KRT78: variants seen among roughly 807,000 people sequenced by gnomAD.
The protein encoded by KRT78 is keratin 78, also known as keratin, type II cytoskeletal 78.
In KRT78, 55 loss-of-function variants were observed where a neutral mutation model predicts 51.4. That is an observed-to-expected ratio of 1.07 (90% CI 0.86 to 1.34). KRT78 has a LOEUF of 1.34. Ranked by LOEUF, KRT78 falls within the 40% of genes most tolerant of loss-of-function variation. The pLI, the probability that KRT78 is intolerant of heterozygous loss-of-function variation, is 0.00. For synonymous variants in KRT78, 291 were observed against 264.3 expected, an observed-to-expected ratio of 1.10 and a Z score of -0.98; for missense variants, 652 against 649.4, an observed-to-expected ratio of 1.00 and a Z score of -0.04.
At chr12:52,840,046 AC>A in intron 6 of KRT78, 62 bp from the exon 7 acceptor site, 1 of 1,203,476 alleles carries the variant, frequency 8.3e-7, no homozygotes, top group Non-Finnish European at 1.2e-6. Flanking sequence ...CTCTCAAAGC[AC>A]CCACTGTGGA....
At position 52,848,124 on chromosome 12, in the gene KRT78, G is replaced by A; in HGVS notation, c.385-3C>T. On this transcript the variant is annotated splice_region_variant and splice_polypyrimidine_tract_variant and intron_variant, in intron 1 of 8. Transcript: ENST00000304620. ...TTCTGCTGCTCCAGGAACCGCACCT[G>A]CAGCAAAAGCAGAGGATCCCTGAGG... The A allele has an allele frequency of 1.9e-6, 3 of 1,613,662 alleles. No individual in the cohort carries two copies. Among genetic ancestry groups the A allele is most frequent in the African/African-American group, 1.3e-5 (1 of 75,012 alleles).
In KRT78 at chr12:52,848,104, C is replaced by A. The variant is rs1378220909; in HGVS notation, c.402G>T (p.Gln134His). Residue 134 changes from glutamine (Q) to histidine (H), a missense_variant, in exon 2 of 9, where the codon CAG becomes CAT. By Grantham distance (24) the Gln-to-His change is conservative. Coordinates refer to ENST00000304620, the MANE Select transcript of KRT78 (RefSeq NM_173352.4). ...ACTTCGTCTCCAGGACCTTGTTCTG[C>A]TGCTCCAGGAACCGCACCTGCAGCA... ...SFIDKVRFLE[Q>H]QNKVLETKWH... is the part of the protein sequence containing the mutation. The A allele has an allele frequency of 1.9e-6, 3 of 1,614,012 alleles. No homozygotes were observed. The African/African-American group carries it at 4.0e-5, about 22-fold the overall frequency.
chr12:52,840,639 G>A (rs1191246507), intron 6 of KRT78, among the ~76,000 whole-genome samples: 1 of 152,110 alleles, frequency 6.6e-6, no homozygotes. Context: ...CCCGGGAGGT[G>A]GAGGTTGCAG....
At chr12:52,844,512 G>C in intron 5 of KRT78, 47 bp downstream of exon 5, 1 of 1,581,582 alleles carries the variant, frequency 6.3e-7, no homozygotes, top group African/African-American at 1.3e-5. Context: ...TTTGGGCATG[G>C]AGACCTAGCC....
Position 52,847,769 on chromosome 12 carries a change from G to C in KRT78, c.599+138C>G. The stretch of plus-strand genomic sequence containing the variant: ...TGGGCACCTGAGAGCCTGGGGAATG[G>C]GGACGCGGAGGGGTAGAGGGGAGGC... On this transcript the variant is annotated intron_variant, in intron 2 of 8. Coordinates refer to ENST00000304620, the MANE Select transcript of KRT78 (RefSeq NM_173352.4). 7.4e-6 allele frequency: 5 copies of C among 677,266 alleles called. No individual in the cohort carries two copies. The South Asian group carries it at 9.2e-5, about 12-fold the overall frequency. The allele number at this position is 677,266 out of a possible 1,614,324, so 42.0% of individuals were successfully genotyped here.
chr12:52,844,832 A>G, intron 4 of KRT78, 109 bp from the exon 5 acceptor site: 1 of 1,080,626 alleles, frequency 9.3e-7, no homozygotes, highest in Non-Finnish European at 1.3e-6. Flanking sequence ...CATGACCCCC[A>G]TTCATCCCAG....
rs545910198 is a variant in KRT78, at chr12:52,838,645, C to T, written c.*468G>A. 4.4e-4 allele frequency: 75 copies of T among 168,658 alleles called. No individual in the cohort carries two copies. The highest frequency in any genetic ancestry group is 1.7e-3 in the African/African-American group (72 of 41,950). The allele number at this position is 168,658 out of a possible 1,614,324, so 10.4% of individuals were successfully genotyped here. A position where few individuals can be genotyped will look rare whatever the true frequency, so the allele number is the denominator to read the frequency against. On this transcript the variant is annotated 3_prime_UTR_variant, in exon 9 of 9. Transcript: ENST00000304620. Reference sequence around the variant, plus strand: ...AAAGGAGAAAATTTTGGTGCACAGTCAGGAAGAAGGAGGAACAAGAAGGAA... The same window carrying T: ...AAAGGAGAAAATTTTGGTGCACAGTTAGGAAGAAGGAGGAACAAGAAGGAA...
chr12:52,847,394 T>C (rs942481695), intron 2 of KRT78, among the ~76,000 whole-genome samples: 3 of 152,124 alleles, frequency 2.0e-5, no homozygotes, highest in Admixed American at 6.5e-5. Flanking sequence ...AAGCCCCCTA[T>C]TAGTCCAGGG....
chr12:52,839,088 A>T lies in KRT78; in HGVS notation c.*25T>A. On this transcript the variant is annotated 3_prime_UTR_variant, in exon 9 of 9. Coordinates refer to ENST00000304620, the MANE Select transcript of KRT78 (RefSeq NM_173352.4). Reference sequence around the variant, plus strand: ...TGGGGGGAGTGGGCCAAATGTGTTCAGGAAGGAGGTGGCTGCTGGGTCGCT... The same window carrying T: ...TGGGGGGAGTGGGCCAAATGTGTTCTGGAAGGAGGTGGCTGCTGGGTCGCT... 2.5e-6 allele frequency: 4 copies of T among 1,604,142 alleles called. No individual in the cohort carries two copies. Among genetic ancestry groups the T allele is most frequent in the African/African-American group, 2.7e-5 (2 of 74,954 alleles).
intron 2 of KRT78, among the ~76,000 whole-genome samples, chr12:52,847,340 GCC>G (rs1940666128): frequency 1.3e-5 from 2 of 152,290 alleles, no homozygotes; most frequent in South Asian, 2.1e-4. Context: ...GAGATGCCTT[GCC>G]CAGGATGCAC....
In KRT78 at chr12:52,838,021, G is replaced by C. The variant is rs1461884736; in HGVS notation, c.*1092C>G. Reference sequence around the variant, plus strand: ...TTCAAGCCACATCCTCACCGGCTCTGGTCTCCTTCACACAAAGCTGAAAAG... The same window carrying C: ...TTCAAGCCACATCCTCACCGGCTCTCGTCTCCTTCACACAAAGCTGAAAAG... On this transcript the variant is annotated 3_prime_UTR_variant, in exon 9 of 9. Coordinates refer to ENST00000304620, the MANE Select transcript of KRT78 (RefSeq NM_173352.4). 4 of 152,174 alleles carry C rather than the reference G, an allele frequency of 2.6e-5. No homozygotes were observed. The highest frequency in any genetic ancestry group is 5.9e-5 in the Non-Finnish European group (4 of 68,036). The allele number at this position is 152,174 out of a possible 1,614,324, so 9.4% of individuals were successfully genotyped here. A position where few individuals can be genotyped will look rare whatever the true frequency, so the allele number is the denominator to read the frequency against.
In KRT78 at chr12:52,848,888, G is replaced by A. The variant is rs780748969; in HGVS notation, c.43C>T (p.Arg15Cys). The A allele has an allele frequency of 1.6e-5, 25 of 1,596,420 alleles. No homozygotes were observed. The highest frequency in any genetic ancestry group is 3.5e-5 in the Admixed American group (2 of 57,196). Residue 15 changes from arginine (R) to cysteine (C), a missense_variant, in exon 1 of 9, where the codon CGC becomes TGC. Physicochemically the swap from Arg to Cys is radical, Grantham distance 180. Transcript: ENST00000304620. ...CTTGAGCGAGCAGAACAGGCTGAGCGAGCGCTGAAGCCCCTCTGGGCCCGG... is the reference window on the plus strand; with the variant it reads ...CTTGAGCGAGCAGAACAGGCTGAGCAAGCGCTGAAGCCCCTCTGGGCCCGG... ...PCRAQRGFSA[R>C]SACSARSRGR...
intron 6 of KRT78, among the ~76,000 whole-genome samples, chr12:52,840,997 C>G (rs961818417): frequency 1.3e-5 from 2 of 152,154 alleles, no homozygotes; most frequent in African/African-American, 2.4e-5. Flanking sequence ...TGCTCTTTCC[C>G]TATTTCTTCC....
chr12:52,839,548 C>T lies in KRT78; in HGVS notation c.1269-61G>A, dbSNP rs145242098. On this transcript the variant is annotated intron_variant, in intron 7 of 8. Coordinates refer to ENST00000304620, the MANE Select transcript of KRT78 (RefSeq NM_173352.4). ...GAATACTACAAAGAATGCATCCCCACGAGCTTTTAAGCCCCTCAAAGCAGG... is the reference window on the plus strand; with the variant it reads ...GAATACTACAAAGAATGCATCCCCATGAGCTTTTAAGCCCCTCAAAGCAGG... The T allele has an allele frequency of 8.4e-4, 1,247 of 1,483,258 alleles. 16 individuals are homozygous for T. The African/African-American group carries it at 0.015, about 18-fold the overall frequency. The allele number at this position is 1,483,258 out of a possible 1,614,324, so 91.9% of individuals were successfully genotyped here.
intron 4 of KRT78, 139 bp downstream of exon 4, chr12:52,846,058 G>T (rs1940634778): frequency 9.7e-6 from 6 of 620,460 alleles, no homozygotes; most frequent in Non-Finnish European, 1.4e-5. Context: ...TCAGTAATTG[G>T]TTGTCAAGTG....
intron 4 of KRT78, 106 bp downstream of exon 4, chr12:52,846,091 C>T (rs1246399249): frequency 8.5e-6 from 6 of 709,570 alleles, no homozygotes; most frequent in Non-Finnish European, 1.5e-5. Flanking sequence ...AGAATCTAAG[C>T]CACCCTAACA....
chr12:52,844,440 A>G (rs55825786), intron 5 of KRT78, 119 bp downstream of exon 5: 49,231 of 1,229,170 alleles, frequency 0.04, 6,233 homozygotes, highest in African/African-American at 0.39. Context: ...ACCCAGCCCC[A>G]GACCTTCAGG....
chr12:52,846,865 G>A (rs772295678), intron 2 of KRT78, 41 bp from the exon 3 acceptor site: 205 of 1,510,062 alleles, frequency 1.4e-4, no homozygotes, highest in Non-Finnish European at 1.7e-4. Flanking sequence ...GAGGCTCCAC[G>A]GTCAGAGCTC....
chr12:52,848,441 T>A, intron 1 of KRT78, 106 bp downstream of exon 1: 3 of 1,517,118 alleles, frequency 2.0e-6, no homozygotes, highest in South Asian at 2.6e-5. Flanking sequence ...GCAGAAGTTA[T>A]TAGAAAAGTG....
Sources: gnomAD v4.1 joint callset for allele counts (sites outside exome capture counted in the v4.1 genomes callset) on GRCh38, gnomAD v4.1.1 for gene constraint, MANE v1.5 for transcripts, NCBI Gene and HGNC (gene_info 2026-07-23, HGNC 2026-07-21) for gene names.